RPS6KA2: variants seen among roughly 807,000 people sequenced by gnomAD.
RPS6KA2 encodes the protein ribosomal protein S6 kinase A2, also known as ribosomal protein S6 kinase alpha-2.
In RPS6KA2, 42 loss-of-function variants were observed where a neutral mutation model predicts 91.8. That is an observed-to-expected ratio of 0.46 (90% CI 0.36 to 0.59). The LOEUF (loss-of-function observed/expected upper bound fraction) is 0.59, where lower values mean the gene tolerates loss of function less well. Ranked by LOEUF, RPS6KA2 falls within the 20% of genes least tolerant of loss-of-function variation. The probability of loss-of-function intolerance (pLI) is 0.00; values close to 1 mark genes in which losing one functional copy is unlikely to be tolerated. For missense variants in RPS6KA2, 798 were observed against 978.5 expected (o/e 0.82, Z 2.46); for synonymous variants, 414 against 393.6 (o/e 1.05, Z -0.61).
intron 2 of RPS6KA2, among the ~76,000 whole-genome samples, chr6:166,781,672 G>A (rs1778777402): frequency 1.3e-5 from 2 of 152,224 alleles, no homozygotes; most frequent in Admixed American, 1.3e-4. Flanking sequence ...TGACAGAGGA[G>A]GCCAAGCAAA....
rs58052402 is a variant in RPS6KA2 at position 166,429,698 on chromosome 6, G to T, written c.1581+755C>A. ...ATTCTTGACCTCAGGTGATCCACCTGCATCAGCCTCCCAAAGTGCTGGGAT... is the reference window on the plus strand; with the variant it reads ...ATTCTTGACCTCAGGTGATCCACCTTCATCAGCCTCCCAAAGTGCTGGGAT... On this transcript the variant is annotated intron_variant, in intron 16 of 20. Coordinates refer to ENST00000265678, the MANE Select transcript of RPS6KA2 (RefSeq NM_021135.6). Among the ~76,000 whole-genome samples the T allele has an allele frequency of 9.0e-3, 1,377 of 152,230 alleles. 17 individuals carry two copies. Among genetic ancestry groups the T allele is most frequent in the African/African-American group, 0.029 (1,217 of 41,548 alleles).
chr6:166,459,383 A>C lies in RPS6KA2; in HGVS notation c.1075+66T>G. 3.3e-6 allele frequency: 3 copies of C among 913,680 alleles called. No homozygotes were observed. The highest frequency in any genetic ancestry group is 5.3e-6 in the Non-Finnish European group (3 of 570,958). The allele number at this position is 913,680 out of a possible 1,614,324, so 56.6% of individuals were successfully genotyped here. A position where few individuals can be genotyped will look rare whatever the true frequency, so the allele number is the denominator to read the frequency against. On this transcript the variant is annotated intron_variant, in intron 12 of 20. Transcript: ENST00000265678. The surrounding 1 kb of genome is among the most constrained non-coding windows in gnomAD (Gnocchi z 4.9). ...TGAGGCATGGGAATTTCTTGTTCCT[A>C]GATATCTGTCTCTAAGGGGTCAGGT...
rs1206107414 is a variant in RPS6KA2 at position 166,435,197 on chromosome 6, A to G, written c.1333-2707T>C. On this transcript the variant is annotated intron_variant, in intron 14 of 20. Coordinates refer to ENST00000265678, the MANE Select transcript of RPS6KA2 (RefSeq NM_021135.6). The surrounding 1 kb of genome is among the most constrained non-coding windows in gnomAD (Gnocchi z 4.3). Reference sequence around the variant, plus strand: ...CAACCCTAGTATCTATTTTATTTCTATGTGTTCTTTTGTTGTGAGTCTTCA... The same window carrying G: ...CAACCCTAGTATCTATTTTATTTCTGTGTGTTCTTTTGTTGTGAGTCTTCA... Among the ~76,000 whole-genome samples, 2 of 152,118 alleles carry G rather than the reference A, an allele frequency of 1.3e-5. No individual in the cohort carries two copies. Among genetic ancestry groups the G allele is most frequent in the Non-Finnish European group, 2.9e-5 (2 of 68,020 alleles).
chr6:166,769,838 G>T (rs1358713483), intron 2 of RPS6KA2, among the ~76,000 whole-genome samples: 9 of 152,186 alleles, frequency 5.9e-5, no homozygotes, highest in Non-Finnish European at 1.3e-4. Flanking sequence ...CCGCATCCTT[G>T]TGCAGTGCCC....
chr6:166,705,893 G>C (rs201856134), intron 2 of RPS6KA2, among the ~76,000 whole-genome samples: 65 of 152,266 alleles, frequency 4.3e-4, no homozygotes, highest in Non-Finnish European at 7.5e-4. Flanking sequence ...AGGGGGGTCT[G>C]GGAGGTGATT....
At chr6:166,756,174 C>T (rs1322976953) in intron 2 of RPS6KA2, among the ~76,000 whole-genome samples, 1 of 152,048 alleles carries the variant, frequency 6.6e-6, no homozygotes, top group Non-Finnish European at 1.5e-5. Context: ...CCTGTAGTCC[C>T]AGCTACTCGG....
intron 13 of RPS6KA2, among the ~76,000 whole-genome samples, chr6:166,449,662 T>C (rs541800472): frequency 2.6e-5 from 4 of 152,236 alleles, no homozygotes; most frequent in African/African-American, 7.2e-5. Flanking sequence ...TCTCTGGCCA[T>C]AGACACCATG....
chr6:166,522,792 G>A (rs1782904693), intron 3 of RPS6KA2, among the ~76,000 whole-genome samples: 1 of 152,062 alleles, frequency 6.6e-6, no homozygotes, highest in African/African-American at 2.4e-5. Context: ...AAACTTTTGG[G>A]GGCAAACTTT....
chr6:166,525,263 C>T (rs570003460), intron 3 of RPS6KA2, among the ~76,000 whole-genome samples: 10 of 152,198 alleles, frequency 6.6e-5, no homozygotes, highest in South Asian at 4.1e-4. Flanking sequence ...TTATATAGAA[C>T]GGTTACCTGT....
chr6:166,711,111 G>A lies in RPS6KA2; in HGVS notation c.123+147089C>T, dbSNP rs1237061366. Among the ~76,000 whole-genome samples, 8 of 151,674 alleles carry A rather than the reference G, an allele frequency of 5.3e-5. No individual in the cohort carries two copies. The East Asian group carries it at 1.2e-3, about 22-fold the overall frequency. On this transcript the variant is annotated intron_variant, in intron 2 of 21. Coordinates refer to the RPS6KA2 transcript ENST00000503859. ...CACTGGTGGTGGTGGAGGACACTGAGGACTCTGACCACTGCCCAGGGGTAA... is the reference window on the plus strand; with the variant it reads ...CACTGGTGGTGGTGGAGGACACTGAAGACTCTGACCACTGCCCAGGGGTAA...
Position 166,494,283 on chromosome 6 carries a change from C to T in RPS6KA2, c.748-3542G>A, listed in dbSNP as rs1394059353. Among the ~76,000 whole-genome samples, 2 of 152,272 alleles carry T rather than the reference C, an allele frequency of 1.3e-5. No individual in the cohort carries two copies. The highest frequency in any genetic ancestry group is 2.4e-5 in the African/African-American group (1 of 41,556). On this transcript the variant is annotated intron_variant, in intron 8 of 20. Coordinates refer to ENST00000265678, the MANE Select transcript of RPS6KA2 (RefSeq NM_021135.6). This position sits in a 1 kb window ranked among gnomAD's most constrained non-coding sequence, Gnocchi z 5.1. Reference sequence around the variant, plus strand: ...CTCGCTCCGTGTGCTGCACCCCACTCCGAGTGCCAAGAATCTCAGTCTCAA... The same window carrying T: ...CTCGCTCCGTGTGCTGCACCCCACTTCGAGTGCCAAGAATCTCAGTCTCAA...
intron 2 of RPS6KA2, among the ~76,000 whole-genome samples, chr6:166,800,405 G>C (rs1779337116): frequency 6.6e-6 from 1 of 152,220 alleles, no homozygotes; most frequent in Non-Finnish European, 1.5e-5. Flanking sequence ...GCCATGGTGT[G>C]TGTCCTTCCA....
chr6:166,492,721 T>C (rs1330514373), intron 8 of RPS6KA2, among the ~76,000 whole-genome samples: 1 of 64,432 alleles, frequency 1.6e-5, no homozygotes, highest in Non-Finnish European at 3.1e-5. Flanking sequence ...TTTTCTTTTC[T>C]TTTTTTTTTT....
chr6:166,649,385 C>A (rs1274479779), intron 2 of RPS6KA2, among the ~76,000 whole-genome samples: 1 of 152,232 alleles, frequency 6.6e-6, no homozygotes, highest in Non-Finnish European at 1.5e-5. Context: ...ATAACCACTG[C>A]AGTATAACTT....
At chr6:166,728,919 C>A (rs986217598) in intron 2 of RPS6KA2, among the ~76,000 whole-genome samples, 1 of 152,148 alleles carries the variant, frequency 6.6e-6, no homozygotes, top group Non-Finnish European at 1.5e-5. Flanking sequence ...TAGCTGCATC[C>A]CTCCTTTGGT....
intron 11 of RPS6KA2, among the ~76,000 whole-genome samples, chr6:166,465,534 CA>C (rs1278752435): frequency 6.6e-6 from 1 of 152,194 alleles, no homozygotes; most frequent in Admixed American, 6.5e-5. Context: ...AAGATGTTGA[CA>C]GCTTCTAAGA....
rs887357727 is a variant in RPS6KA2, at chr6:166,821,201, T to C, written c.123+36999A>G. Among the ~76,000 whole-genome samples, 2 of 152,162 alleles carry C rather than the reference T, an allele frequency of 1.3e-5. No individual in the cohort carries two copies. Among genetic ancestry groups the C allele is most frequent in the Non-Finnish European group, 2.9e-5 (2 of 68,028 alleles). On this transcript the variant is annotated intron_variant, in intron 2 of 21. Transcript: ENST00000503859. This position sits in a 1 kb window ranked among gnomAD's most constrained non-coding sequence, Gnocchi z 4.1. ...CACATCTAGCAAATTTGAAGTGTTA[T>C]TTCGAATTGCTTAGTGGCTTTATTT... is the stretch of plus-strand genomic sequence containing the variant.
In RPS6KA2 at chr6:166,690,561, G is replaced by A. The variant is rs377495084; in HGVS notation, c.124-151777C>T. Among the ~76,000 whole-genome samples, 161 of 152,294 alleles carry A rather than the reference G, an allele frequency of 1.1e-3. 1 individual carries two copies. Among genetic ancestry groups the A allele is most frequent in the African/African-American group, 3.7e-3 (155 of 41,550 alleles). Reference sequence around the variant, plus strand: ...TCCCTCTATGAGCTCGAAGACACGCGTCGGAACTCCAGGCGTCCTCTGACA... The same window carrying A: ...TCCCTCTATGAGCTCGAAGACACGCATCGGAACTCCAGGCGTCCTCTGACA... On this transcript the variant is annotated intron_variant, in intron 2 of 21. Transcript: ENST00000503859.
At chr6:166,741,862 C>T (rs1283692040) in intron 2 of RPS6KA2, among the ~76,000 whole-genome samples, 1 of 152,206 alleles carries the variant, frequency 6.6e-6, no homozygotes, top group African/African-American at 2.4e-5. Flanking sequence ...CGCAGTGGCT[C>T]GCACCTGTAA....
Sources: gnomAD v4.1 joint callset for allele counts (sites outside exome capture counted in the v4.1 genomes callset) on GRCh38, gnomAD v4.1.1 for gene constraint, Gnocchi (gnomAD v3.1) non-coding constraint, MANE v1.5 for transcripts, NCBI Gene and HGNC (gene_info 2026-07-23, HGNC 2026-07-21) for gene names.